The following STK10 variants were observed in gnomAD, a reference collection of about 807,000 sequenced individuals.
STK10 encodes serine/threonine-protein kinase 10.
Under a neutral mutation model 113.8 loss-of-function variants are expected in STK10, and 78 were observed. That is an observed-to-expected ratio of 0.69 (90% CI 0.57 to 0.83). The LOEUF is 0.83. STK10 is among the 40% of genes least tolerant of loss of function. The pLI is 0.00. For missense variants in STK10, 1,109 were observed against 1,280.1 expected (o/e 0.87, Z 2.04); for synonymous variants, 465 against 494.7 (o/e 0.94, Z 0.80).
intron 1 of STK10, among the ~76,000 whole-genome samples, chr5:172,163,960 C>T (rs1309694960): frequency 6.6e-6 from 1 of 152,022 alleles, no homozygotes; most frequent in African/African-American, 2.4e-5. Flanking sequence ...CCCTGTGATC[C>T]CAGCACTTTG....
At chr5:172,053,932 G>A (rs1360598428) in intron 17 of STK10, among the ~76,000 whole-genome samples, 5 of 152,216 alleles carry the variant, frequency 3.3e-5, no homozygotes, top group Non-Finnish European at 5.9e-5. Context: ...GGATGCGGAA[G>A]GTGAATGGCT....
At chr5:172,138,487 G>T (rs1561821777) in intron 2 of STK10, among the ~76,000 whole-genome samples, 1 of 151,902 alleles carries the variant, frequency 6.6e-6, no homozygotes, top group Non-Finnish European at 1.5e-5. Context: ...GATTATGCAA[G>T]AAAGTTAGAA....
intron 1 of STK10, among the ~76,000 whole-genome samples, chr5:172,182,466 C>T (rs1384200814): frequency 6.6e-6 from 1 of 151,440 alleles, no homozygotes; most frequent in Non-Finnish European, 1.5e-5. Flanking sequence ...TCACCACAAC[C>T]TCTGCCTCCC....
intron 2 of STK10, among the ~76,000 whole-genome samples, chr5:172,149,508 GTGTGTGTGTGTGTC>G (rs1047883791): frequency 3.3e-5 from 5 of 150,196 alleles, no homozygotes; most frequent in African/African-American, 1.0e-4. Flanking sequence ...GTGTGTGTGT[GTGTGTGTGTGTGTC>G]TGTGTGTGTG....
intron 1 of STK10, among the ~76,000 whole-genome samples, chr5:172,167,283 A>C (rs991033291): frequency 6.6e-6 from 1 of 152,188 alleles, no homozygotes; most frequent in Non-Finnish European, 1.5e-5. Flanking sequence ...AAATTAACTT[A>C]ATGGGATATT....
At chr5:172,185,606 C>A (rs1341248294) in intron 1 of STK10, among the ~76,000 whole-genome samples, 1 of 152,218 alleles carries the variant, frequency 6.6e-6, no homozygotes, top group Non-Finnish European at 1.5e-5. Flanking sequence ...AAAACACCAA[C>A]TGAACCTTCT....
At chr5:172,054,224 C>A (rs1400047892) in intron 17 of STK10, among the ~76,000 whole-genome samples, 1 of 152,188 alleles carries the variant, frequency 6.6e-6, no homozygotes. Context: ...CTCGGCCACA[C>A]CCCAACCACC....
intron 10 of STK10, among the ~76,000 whole-genome samples, chr5:172,084,946 A>G (rs555878708): frequency 6.6e-6 from 1 of 152,230 alleles, no homozygotes; most frequent in East Asian, 1.9e-4. Context: ...AAAAATATAT[A>G]ATAAAAATTT....
At chr5:172,080,080 G>C (rs10073551) in intron 12 of STK10, among the ~76,000 whole-genome samples, 1 of 151,910 alleles carries the variant, frequency 6.6e-6, no homozygotes, top group Non-Finnish European at 1.5e-5. Flanking sequence ...GGTAATTCTC[G>C]CAATATTTCA....
chr5:172,144,704 G>A (rs1770050916), intron 2 of STK10, among the ~76,000 whole-genome samples: 1 of 152,120 alleles, frequency 6.6e-6, no homozygotes. Context: ...CCTTGAGCAG[G>A]GTGAACTGAG....
intron 10 of STK10, among the ~76,000 whole-genome samples, chr5:172,088,392 C>T (rs548748016): frequency 2.6e-5 from 4 of 152,100 alleles, no homozygotes; most frequent in South Asian, 2.1e-4. Flanking sequence ...GGCATGGTGG[C>T]GGGCACCTGT....
intron 7 of STK10, among the ~76,000 whole-genome samples, chr5:172,103,755 T>A (rs1769043579): frequency 6.6e-6 from 1 of 151,470 alleles, no homozygotes; most frequent in Non-Finnish European, 1.5e-5. Flanking sequence ...TCTTTTCATT[T>A]TTAAAAAAAT....
intron 10 of STK10, among the ~76,000 whole-genome samples, chr5:172,087,107 AGTGTGTGTGTGTGTGT>A (rs201052929): frequency 6.3e-4 from 81 of 128,950 alleles, no homozygotes; most frequent in African/African-American, 1.0e-3. Flanking sequence ...AGATGACACC[AGTGTGTGTGTGTGTGT>A]GTGTGTGTGT....
intron 4 of STK10, among the ~76,000 whole-genome samples, chr5:172,110,440 G>C (rs751633417): frequency 6.6e-5 from 10 of 152,210 alleles, no homozygotes; most frequent in Non-Finnish European, 1.0e-4. Flanking sequence ...ACAGGCACCT[G>C]GCAAAACCCC....
At position 172,055,722 on chromosome 5, in the gene STK10, G is replaced by C; in HGVS notation, c.2392C>G (p.Arg798Gly). 1 of 1,577,692 alleles carries C rather than the reference G, an allele frequency of 6.3e-7. No individual in the cohort carries two copies. Among genetic ancestry groups the C allele is most frequent in the Non-Finnish European group, 8.6e-7 (1 of 1,158,764 alleles). Residue 798 changes from arginine (R) to glycine (G), a missense_variant, in exon 16 of 19, where the codon CGG becomes GGG. Arg to Gly is a moderately radical substitution (Grantham distance 125, BLOSUM62 -2). This residue lies in a region of STK10 where 885 missense variants were observed against 991.1 expected (regional missense o/e 0.89). Transcript: ENST00000176763. ...AGCCGCGCCTTTTCCTGTTGCTGCCGCACCTTCAGCTGCTCTATCATGCGC... is the reference window on the plus strand; with the variant it reads ...AGCCGCGCCTTTTCCTGTTGCTGCCCCACCTTCAGCTGCTCTATCATGCGC... Reference protein sequence around the residue: ...NQRMIEQLKVRQQQEKARLPK... With the variant: ...NQRMIEQLKVGQQQEKARLPK...
chr5:172,064,834 G>A, intron 12 of STK10, 22 bp from the exon 13 acceptor site: 3 of 1,613,422 alleles, frequency 1.9e-6, no homozygotes, highest in African/African-American at 1.3e-5. Flanking sequence ...ACAGCAGAGA[G>A]TAGCTGGGTC....
intron 4 of STK10, among the ~76,000 whole-genome samples, chr5:172,113,117 T>C (rs1414043289): frequency 6.6e-6 from 1 of 152,236 alleles, no homozygotes; most frequent in Admixed American, 6.5e-5. Context: ...GAAATGCATA[T>C]GTAGCAAAGT....
intron 7 of STK10, among the ~76,000 whole-genome samples, chr5:172,103,443 G>A (rs753655652): frequency 3.9e-5 from 6 of 152,270 alleles, no homozygotes; most frequent in African/African-American, 4.8e-5. Context: ...CTGCAGCTCC[G>A]GAGCTGCCAT....
intron 1 of STK10, among the ~76,000 whole-genome samples, chr5:172,179,611 AC>A (rs1770815312): frequency 1.6e-5 from 2 of 121,838 alleles, no homozygotes; most frequent in African/African-American, 4.2e-5. Flanking sequence ...GCAGGGCCCC[AC>A]GCAGAAGCCG....
Sources: gnomAD v4.1 joint callset for allele counts (sites outside exome capture counted in the v4.1 genomes callset) on GRCh38, gnomAD v4.1.1 for gene constraint, gnomAD v4.1.1 regional missense constraint, MANE v1.5 for transcripts, NCBI Gene and HGNC (gene_info 2026-07-23, HGNC 2026-07-21) for gene names.